Variants in BTBD3 observed in about 807,000 individuals in gnomAD.
The protein encoded by BTBD3 is BTB domain containing 3.
BTBD3 carries 14 observed loss-of-function variants against 41.6 expected under a neutral mutation model. The observed-to-expected ratio is 0.34, with a 90% confidence interval of 0.22 to 0.53. The LOEUF is 0.53. Ranked by LOEUF, BTBD3 falls within the 20% of genes least tolerant of loss-of-function variation. The pLI is 0.95. For missense variants in BTBD3, 426 were observed against 654.7 expected (o/e 0.65, Z 3.81); for synonymous variants, 249 against 233.7 (o/e 1.07, Z -0.60).
chr20:11,903,293 T>C (rs1246904914), intron 1 of BTBD3, among the ~76,000 whole-genome samples: 1 of 152,174 alleles, frequency 6.6e-6, no homozygotes, highest in Non-Finnish European at 1.5e-5. Context: ...TAACAAATTA[T>C]CTTAAACATT....
chr20:11,895,946 G>C (rs1174923640), intron 1 of BTBD3, among the ~76,000 whole-genome samples: 5 of 152,130 alleles, frequency 3.3e-5, no homozygotes, highest in Non-Finnish European at 5.9e-5. Context: ...TTCCATTACA[G>C]TTCTTTAAGT....
At chr20:11,905,099 A>G (rs1235425253) in intron 1 of BTBD3, among the ~76,000 whole-genome samples, 1 of 152,242 alleles carries the variant, frequency 6.6e-6, no homozygotes, top group Non-Finnish European at 1.5e-5. Context: ...TGTCAGGCTC[A>G]TGGTGGTGTA....
chr20:11,918,926 A>G lies in BTBD3; in HGVS notation c.327-160A>G, dbSNP rs76495575. 223 of 587,098 alleles carry G rather than the reference A, an allele frequency of 3.8e-4. No homozygotes were observed. In the East Asian group the frequency reaches 3.8e-3, roughly 10 times the overall value. 36.4% of individuals were successfully genotyped at this position (587,098 alleles called of 1,614,324 possible). A position where few individuals can be genotyped will look rare whatever the true frequency, so the allele number is the denominator to read the frequency against. On this transcript the variant is annotated intron_variant, in intron 1 of 3. Coordinates refer to ENST00000378226, the MANE Select transcript of BTBD3 (RefSeq NM_014962.4). Reference sequence around the variant, plus strand: ...TTTAGTTACTTCCCTTATGTTTGCAATGATTATGAACAGTTTAGTTAGAAC... The same window carrying G: ...TTTAGTTACTTCCCTTATGTTTGCAGTGATTATGAACAGTTTAGTTAGAAC...
intron 1 of BTBD3, 161 bp downstream of exon 1, chr20:11,918,762 C>A: frequency 1.3e-6 from 1 of 764,594 alleles, no homozygotes; most frequent in Non-Finnish European, 2.0e-6. Context: ...CAAAACAGTA[C>A]AGCTGTTTTC....
At chr20:11,913,109 G>A (rs2056898997), upstream of BTBD3, among the ~76,000 whole-genome samples, 1 of 152,212 alleles carries the variant, frequency 6.6e-6, no homozygotes, top group African/African-American at 2.4e-5. Context: ...GGAAGTGATA[G>A]GTATTTCTTC....
chr20:11,918,905 G>C (rs1378048138), intron 1 of BTBD3, 181 bp from the exon 2 acceptor site: 4 of 570,442 alleles, frequency 7.0e-6, no homozygotes, highest in Non-Finnish European at 1.2e-5. Context: ...TTAAACTTTA[G>C]TTACTTCCCT....
chr20:11,907,510 C>G (rs2056862401), intron 1 of BTBD3, among the ~76,000 whole-genome samples: 1 of 152,156 alleles, frequency 6.6e-6, no homozygotes, highest in South Asian at 2.1e-4. Flanking sequence ...CATTGAAAGC[C>G]AGGTGCATGG....
At chr20:11,902,611 T>C (rs2056830672) in intron 1 of BTBD3, among the ~76,000 whole-genome samples, 1 of 152,228 alleles carries the variant, frequency 6.6e-6, no homozygotes, top group Admixed American at 6.5e-5. Flanking sequence ...TATGGCACTT[T>C]AGGCAGATAC....
intron 1 of BTBD3, chr20:11,910,299 C>T (rs1242349031): frequency 3.9e-5 from 6 of 151,966 alleles, no homozygotes; most frequent in African/African-American, 4.8e-5. Context: ...TTTCTTTGAC[C>T]GAAACATATT....
chr20:11,920,038 G>T (rs1051057467), intron 3 of BTBD3, among the ~76,000 whole-genome samples: 4 of 152,144 alleles, frequency 2.6e-5, no homozygotes, highest in Non-Finnish European at 5.9e-5. Context: ...ATTTATAATC[G>T]CACCTTGACG....
At chr20:11,911,926 G>A (rs1209583039) in intron 1 of BTBD3, among the ~76,000 whole-genome samples, 6 of 152,084 alleles carry the variant, frequency 3.9e-5, no homozygotes, top group African/African-American at 7.2e-5. Flanking sequence ...AGCTATAATC[G>A]TCAAATGTCA....
rs569523084 is a variant in BTBD3, at chr20:11,890,942, A to G, written c.-138A>G. ...GACGGCTGCGTCGCCCGAGGCGAGG[A>G]GGAGCGCTGGCGGTGAGTGAGGGCG... is the stretch of plus-strand genomic sequence containing the variant. On this transcript the variant is annotated 5_prime_UTR_variant, in exon 1 of 5. Transcript: ENST00000254977. 2.0e-4 allele frequency: 193 copies of G among 984,244 alleles called. 1 individual carries two copies. In the South Asian group the frequency reaches 8.0e-3, roughly 41 times the overall value. The allele number at this position is 984,244 out of a possible 1,614,324, so 61.0% of individuals were successfully genotyped here.
At chr20:11,910,758 T>C (rs1396415082) in intron 1 of BTBD3, among the ~76,000 whole-genome samples, 1 of 152,172 alleles carries the variant, frequency 6.6e-6, no homozygotes, top group Non-Finnish European at 1.5e-5. Flanking sequence ...TTTATGTACA[T>C]TTTATGTACA....
chr20:11,902,999 A>G (rs2056832897), intron 1 of BTBD3, among the ~76,000 whole-genome samples: 1 of 152,186 alleles, frequency 6.6e-6, no homozygotes, highest in South Asian at 2.1e-4. Context: ...TATTGAAAAA[A>G]ATCTAGATAT....
intron 1 of BTBD3, chr20:11,890,976 G>C (rs1481533530): frequency 1.8e-5 from 18 of 981,964 alleles, no homozygotes; most frequent in Non-Finnish European, 2.2e-5. Context: ...CGCCGCGGGC[G>C]AGCGGGTCGG....
At chr20:11,893,263 T>G (rs938505693) in intron 1 of BTBD3, among the ~76,000 whole-genome samples, 4 of 152,240 alleles carry the variant, frequency 2.6e-5, no homozygotes, top group Non-Finnish European at 4.4e-5. Context: ...CCTTTAGGAT[T>G]CCAGTGATTT....
At chr20:11,897,484 C>CAAAAAAG (rs2056794357) in intron 1 of BTBD3, among the ~76,000 whole-genome samples, 1 of 65,370 alleles carries the variant, frequency 1.5e-5, no homozygotes, top group Non-Finnish European at 2.7e-5. Flanking sequence ...GTTATTTAAG[C>CAAAAAAG]AAAAAAAAAA....
At chr20:11,905,197 G>C (rs1475582726) in intron 1 of BTBD3, among the ~76,000 whole-genome samples, 1 of 152,086 alleles carries the variant, frequency 6.6e-6, no homozygotes, top group Non-Finnish European at 1.5e-5. Context: ...GCAGTGACAG[G>C]CTCACTTCAT....
At chr20:11,906,115 C>T (rs959381562) in intron 1 of BTBD3, among the ~76,000 whole-genome samples, 1 of 151,976 alleles carries the variant, frequency 6.6e-6, no homozygotes, top group African/African-American at 2.4e-5. Flanking sequence ...TTTACATTTT[C>T]AACACTCTTA....
Sources: gnomAD v4.1 joint callset for allele counts (sites outside exome capture counted in the v4.1 genomes callset) on GRCh38, gnomAD v4.1.1 for gene constraint, MANE v1.5 for transcripts, NCBI Gene and HGNC (gene_info 2026-07-23, HGNC 2026-07-21) for gene names.